Variants in LIPE observed in about 807,000 individuals in gnomAD.
LIPE encodes lipase E, hormone sensitive type.
In LIPE, 66 loss-of-function variants were observed where a neutral mutation model predicts 88.5. The observed-to-expected ratio is 0.75, with a 90% CI of 0.61 to 0.91. The LOEUF is 0.91. Ranked by LOEUF, LIPE falls within the 40% of genes least tolerant of loss-of-function variation. The pLI, the probability that LIPE is intolerant of heterozygous loss-of-function variation, is 0.00. For synonymous variants in LIPE, 570 were observed against 617.5 expected, an observed-to-expected ratio of 0.92 and a Z score of 1.14; for missense variants, 1,346 against 1,434.7, an observed-to-expected ratio of 0.94 and a Z score of 1.00.
chr19:42,406,201 C>A lies in LIPE; in HGVS notation c.2325G>T (p.Leu775=). 6.2e-7 allele frequency: 1 copy of A among 1,613,382 alleles called. No homozygotes were observed. Among genetic ancestry groups the A allele is most frequent in the Non-Finnish European group, 8.5e-7 (1 of 1,179,512 alleles). Residue 775 remains leucine, a synonymous_variant, in exon 7 of 10, where the codon CTG becomes CTT. Coordinates refer to ENST00000244289, the MANE Select transcript of LIPE (RefSeq NM_005357.4). This position sits in a 1 kb window ranked among gnomAD's most constrained non-coding sequence, Gnocchi z 5.7. ...SRLLSLMDPL[L]PLSVLSKCVS... Reference sequence around the variant, plus strand: ...CACACTTGGAGAGCACACTGAGGGGCAGCAAGGGGTCCATGAGGCTCAGCA... The same window carrying A: ...CACACTTGGAGAGCACACTGAGGGGAAGCAAGGGGTCCATGAGGCTCAGCA...
chr19:42,403,959 C>T (rs1455515884), intron 8 of LIPE, among the ~76,000 whole-genome samples: 1 of 152,194 alleles, frequency 6.6e-6, no homozygotes, highest in Non-Finnish European at 1.5e-5. Context: ...GCTAAAGATA[C>T]ACTTCCAGCC....
rs776701376 is a variant in LIPE at position 42,402,974 on chromosome 19, C to T, written c.2600G>A (p.Gly867Asp). The change falls in exon 9 of 10, where the codon GGC becomes GAC. Residue 867 changes from glycine to aspartate, a missense_variant. Transcript: ENST00000244289. ...GGTCAGGTTCTTGAGGGAATCCGTGCCCAGTGGGCCCTGGGGCTGGGCCAG... is the reference window on the plus strand; with the variant it reads ...GGTCAGGTTCTTGAGGGAATCCGTGTCCAGTGGGCCCTGGGGCTGGGCCAG... ...AALAQPQGPL[G>D]TDSLKNLTLR... is the part of the protein sequence containing the mutation. 3 of 1,603,350 alleles carry T rather than the reference C, an allele frequency of 1.9e-6. No individual in the cohort carries two copies. The highest frequency in any genetic ancestry group is 2.2e-5 in the South Asian group (2 of 90,912).
intron 1 of LIPE, among the ~76,000 whole-genome samples, chr19:42,417,223 T>A (rs114386930): frequency 0.034 from 5,116 of 152,026 alleles, 259 homozygotes; most frequent in African/African-American, 0.11. Context: ...CCCGGCCAAT[T>A]TCAACTTTTA....
rs774464508 is a variant in LIPE, at chr19:42,402,618, C to G, written c.2956G>C (p.Val986Leu). The G allele has an allele frequency of 4.0e-6, 6 of 1,492,498 alleles. No individual in the cohort carries two copies. In the East Asian group the frequency reaches 1.4e-4, roughly 35 times the overall value. 92.5% of individuals were successfully genotyped at this position (1,492,498 alleles called of 1,614,324 possible). A position where few individuals can be genotyped will look rare whatever the true frequency, so the allele number is the denominator to read the frequency against. The change falls in exon 9 of 10, where the codon GTG becomes CTG. Residue 986 changes from valine to leucine, a missense_variant. Physicochemically the swap from Val to Leu is conservative, Grantham distance 32. Transcript: ENST00000244289. ...CCTCTGTCGCTCACCACGATGTGCA[C>G]AGGTGGCAGGCTCTTGAGCATGCTG... ...PDSMLKSLPPVHIVACALDPM... is the reference protein window; with the variant it reads ...PDSMLKSLPPLHIVACALDPM...
Position 42,410,274 on chromosome 19 carries a change from T to G in LIPE, c.1419+33A>C. 1 of 1,522,194 alleles carries G rather than the reference T, an allele frequency of 6.6e-7. No individual in the cohort carries two copies. The highest frequency in any genetic ancestry group is 8.9e-7 in the Non-Finnish European group (1 of 1,129,600). 94.3% of individuals were successfully genotyped at this position (1,522,194 alleles called of 1,614,324 possible). A position where few individuals can be genotyped will look rare whatever the true frequency, so the allele number is the denominator to read the frequency against. On this transcript the variant is annotated intron_variant, in intron 2 of 9. Transcript: ENST00000244289. This position sits in a 1 kb window ranked among gnomAD's most constrained non-coding sequence, Gnocchi z 6.1. ...CAGGGGCCACCAGGTGCCTTCATTG[T>G]GGGCCCAGAGGGGCACGGGGCAGGG...
Position 42,407,085 on chromosome 19 carries a change from A to C in LIPE, c.2137+89T>G. 3 of 1,140,944 alleles carry C rather than the reference A, an allele frequency of 2.6e-6. No individual in the cohort carries two copies. The highest frequency in any genetic ancestry group is 2.4e-6 in the Non-Finnish European group (2 of 829,820). The allele number at this position is 1,140,944 out of a possible 1,614,324, so 70.7% of individuals were successfully genotyped here. The stretch of plus-strand genomic sequence containing the variant: ...GGGAGGTGTGGGGGGAGAGAAAGGT[A>C]GAGGGTGTGAGGCTGAGGCTGGAGG... On this transcript the variant is annotated intron_variant, in intron 6 of 9. Coordinates refer to ENST00000244289, the MANE Select transcript of LIPE (RefSeq NM_005357.4). This position sits in a 1 kb window ranked among gnomAD's most constrained non-coding sequence, Gnocchi z 5.8.
At chr19:42,419,926 G>C (rs2040562936) in intron 1 of LIPE, among the ~76,000 whole-genome samples, 1 of 151,964 alleles carries the variant, frequency 6.6e-6, no homozygotes, top group African/African-American at 2.4e-5. Flanking sequence ...ATCGAGTCTA[G>C]CTGTGTTGCC....
rs530774949 is a variant in LIPE at position 42,423,973 on chromosome 19, G to A, written c.883+2294C>T. ...ACGCGGCCCGGCCCGCCTTTTGAAG[G>A]GGGAAAGTGGGGCGCCTCTGAGCCT... On this transcript the variant is annotated intron_variant, in intron 1 of 9. Transcript: ENST00000244289. 19 of 1,167,930 alleles carry A rather than the reference G, an allele frequency of 1.6e-5. No homozygotes were observed. In the African/African-American group the frequency reaches 2.7e-4, roughly 17 times the overall value. 72.3% of individuals were successfully genotyped at this position (1,167,930 alleles called of 1,614,324 possible).
chr19:42,408,077 C>T lies in LIPE; in HGVS notation c.1555G>A (p.Asp519Asn), dbSNP rs147012229. ...SLFTSGRFAI[D>N]PELRGAEFER... ...AACTCAGCCCCACGCAGCTCGGGGT[C>T]GATGGCAAAGCGGCCGCTGGTGAAG... is the stretch of plus-strand genomic sequence containing the variant. The change falls in exon 4 of 10, where the codon GAC becomes AAC. Residue 519 changes from aspartate to asparagine, a missense_variant. Coordinates refer to ENST00000244289, the MANE Select transcript of LIPE (RefSeq NM_005357.4). The surrounding 1 kb of genome is among the most constrained non-coding windows in gnomAD (Gnocchi z 4.3). 3,089 of 1,613,806 alleles carry T rather than the reference C, an allele frequency of 1.9e-3. 5 individuals are homozygous for T. The highest frequency in any genetic ancestry group is 2.1e-3 in the Middle Eastern group (13 of 6,062).
chr19:42,412,261 C>T (rs1416960659), intron 1 of LIPE: 1 of 985,460 alleles, frequency 1.0e-6, no homozygotes, highest in Non-Finnish European at 1.2e-6. Flanking sequence ...CCTCCCAAAG[C>T]CCAGCACCTT....
At chr19:42,423,321 C>G (rs1047673951) in intron 1 of LIPE, 3 of 959,264 alleles carry the variant, frequency 3.1e-6, no homozygotes, top group Non-Finnish European at 4.3e-6. Flanking sequence ...GCGGACCCCC[C>G]CAACTCCCTG....
In LIPE at chr19:42,426,638, G is replaced by A. The variant is rs1410705004; in HGVS notation, c.512C>T (p.Ala171Val). Residue 171 changes from alanine (A) to valine (V), a missense_variant, in exon 1 of 10, where the codon GCC becomes GTC. Transcript: ENST00000244289. The part of the protein sequence containing the change: ...AKPGAKREPS[A>V]PTESTSQETP... Reference sequence around the variant, plus strand: ...CTCTTGGGACGTAGATTCAGTCGGGGCAGATGGCTCCCTTTTGGCTCCAGG... The same window carrying A: ...CTCTTGGGACGTAGATTCAGTCGGGACAGATGGCTCCCTTTTGGCTCCAGG... The A allele has an allele frequency of 6.2e-7, 1 of 1,614,206 alleles. No individual in the cohort carries two copies. Among genetic ancestry groups the A allele is most frequent in the Non-Finnish European group, 8.5e-7 (1 of 1,180,042 alleles).
intron 1 of LIPE, among the ~76,000 whole-genome samples, chr19:42,417,266 T>G (rs1454134611): frequency 1.3e-5 from 2 of 152,116 alleles, no homozygotes; most frequent in African/African-American, 4.8e-5. Context: ...ATTTTTAAAA[T>G]TTTTAGTTTT....
Position 42,426,431 on chromosome 19 carries a change from G to C in LIPE, c.719C>G (p.Ser240Ter), listed in dbSNP as rs770055998. The change falls in exon 1 of 10, where the codon TCA (serine) becomes TGA (stop). Residue 240 changes from serine (S) to a stop codon, truncating the protein, a stop_gained. Coordinates refer to ENST00000244289, the MANE Select transcript of LIPE (RefSeq NM_005357.4). LOFTEE classifies it high-confidence loss of function. The part of the protein sequence containing the change: ...TDSESESDVG[S>*]SSDTDSPATM... ...GGCTGGAGAATCTGTGTCTGAAGAT[G>C]ATCCCACATCTGATTCTGACTCAGA... 9.9e-6 allele frequency: 16 copies of C among 1,614,088 alleles called. No homozygotes were observed. Among genetic ancestry groups the C allele is most frequent in the Non-Finnish European group, 1.4e-5 (16 of 1,179,970 alleles).
In LIPE at chr19:42,407,656, G is replaced by T; in HGVS notation, c.1792C>A (p.Pro598Thr). The T allele has an allele frequency of 6.2e-7, 1 of 1,610,190 alleles. No individual in the cohort carries two copies. The highest frequency in any genetic ancestry group is 1.1e-5 in the South Asian group (1 of 90,556). Residue 598 changes from proline (P) to threonine (T), a missense_variant, in exon 5 of 10, where the codon CCT becomes ACT. Pro to Thr is a conservative substitution (Grantham distance 38, BLOSUM62 -1). Transcript: ENST00000244289. This position sits in a 1 kb window ranked among gnomAD's most constrained non-coding sequence, Gnocchi z 5.8. ...TISPPLAHTG[P>T]GPVLVRLISY... ...ATGAGCCTGACGAGGACGGGCCCAG[G>T]GCCTGTGTGGGCCAGTGGGGGTGAG...
In LIPE at chr19:42,401,714, G is replaced by GT; in HGVS notation, c.*97_*98insA. The GT allele has an allele frequency of 7.0e-6, 1 of 143,856 alleles. No homozygotes were observed. Among genetic ancestry groups the GT allele is most frequent in the Non-Finnish European group, 1.1e-5 (1 of 89,266 alleles). The allele number at this position is 143,856 out of a possible 1,614,324, so 8.9% of individuals were successfully genotyped here. A position where few individuals can be genotyped will look rare whatever the true frequency, so the allele number is the denominator to read the frequency against. On this transcript the variant is annotated 3_prime_UTR_variant, in exon 10 of 10. Coordinates refer to ENST00000244289, the MANE Select transcript of LIPE (RefSeq NM_005357.4). ...TTTCGGGCCCCCGCCCCGCCCCCTT[G>GT]CCACCCCCGACTTAAGTAAGGCACA...
In LIPE at chr19:42,402,043, C is replaced by T; in HGVS notation, c.3000G>A (p.Ser1000=). 1 of 1,526,886 alleles carries T rather than the reference C, an allele frequency of 6.5e-7. No individual in the cohort carries two copies. Among genetic ancestry groups the T allele is most frequent in the Non-Finnish European group, 8.8e-7 (1 of 1,136,672 alleles). The allele number at this position is 1,526,886 out of a possible 1,614,324, so 94.6% of individuals were successfully genotyped here. The change falls in exon 10 of 10, where the codon TCG becomes TCA. Residue 1000 remains serine (S), a synonymous_variant. Transcript: ENST00000244289. ...TGCGCAGTCGCCGCGCGAGCATGAC[C>T]GAGTCGTCCAGCATGGGGTCCAGCG... The part of the protein sequence containing the change: ...ACALDPMLDD[S]VMLARRLRNL...
At position 42,410,481 on chromosome 19, in the gene LIPE, G is replaced by C. The variant is rs1468163404; in HGVS notation, c.1245C>G (p.Tyr415Ter). The C allele has an allele frequency of 6.2e-7, 1 of 1,613,918 alleles. No homozygotes were observed. The highest frequency in any genetic ancestry group is 1.3e-5 in the African/African-American group (1 of 74,952). The change falls in exon 2 of 10, where the codon TAC becomes TAG. Residue 415 changes from tyrosine (Y) to a stop codon, truncating the protein, a stop_gained. Coordinates refer to ENST00000244289, the MANE Select transcript of LIPE (RefSeq NM_005357.4). LOFTEE classifies it high-confidence loss of function. This position sits in a 1 kb window ranked among gnomAD's most constrained non-coding sequence, Gnocchi z 6.1. The part of the protein sequence containing the change: ...TSHNLAELEA[Y>*]LAALTQLRAL... ...CGCGGAGCTGGGTGAGGGCAGCCAGGTAGGCCTCCAGCTCGGCCAGGTTGT... is the reference window on the plus strand; with the variant it reads ...CGCGGAGCTGGGTGAGGGCAGCCAGCTAGGCCTCCAGCTCGGCCAGGTTGT...
intron 1 of LIPE, chr19:42,423,305 C>A: frequency 1.3e-6 from 1 of 752,822 alleles, no homozygotes; most frequent in African/African-American, 1.9e-5. Context: ...GGCAATGGGC[C>A]AGTCCGCGGA....
Sources: allele counts gnomAD v4.1 joint callset (sites outside exome capture counted in the v4.1 genomes callset), GRCh38; gene constraint gnomAD v4.1.1; non-coding constraint Gnocchi (gnomAD v3.1); transcripts MANE v1.5; gene names NCBI Gene and HGNC (gene_info 2026-07-23, HGNC 2026-07-21).